Variants in BCHE observed in about 807,000 individuals in gnomAD.
BCHE encodes the protein cholinesterase.
In BCHE, 48 loss-of-function variants were observed where a neutral mutation model predicts 51.3. That is an observed-to-expected ratio of 0.94 (90% confidence interval 0.74 to 1.19). The LOEUF is 1.19. Among genes scored for constraint, BCHE ranks in the 50% most tolerant of loss-of-function variants. The probability of loss-of-function intolerance (pLI) is 0.00; values close to 1 mark genes in which losing one functional copy is unlikely to be tolerated. For synonymous variants in BCHE, 251 were observed against 238.0 expected, an observed-to-expected ratio of 1.05 and a Z score of -0.50; for missense variants, 847 against 708.2, an observed-to-expected ratio of 1.20 and a Z score of -2.23.
At chr3:165,781,163 A>G (rs931681711) in intron 3 of BCHE, among the ~76,000 whole-genome samples, 1 of 152,230 alleles carries the variant, frequency 6.6e-6, no homozygotes, top group Admixed American at 6.6e-5. Flanking sequence ...AGGCAGGAAC[A>G]TCGCTTGAAC....
chr3:165,830,394 C>A lies in BCHE; in HGVS notation c.640G>T (p.Gly214Cys), dbSNP rs771895178. ...QWVQKNIAAF[G>C]GNPKSVTLFG... Reference sequence around the variant, plus strand: ...AGAGTTACACTTTTAGGATTTCCACCAAAGGCTGCTATATTTTTTTGAACC... The same window carrying A: ...AGAGTTACACTTTTAGGATTTCCACAAAAGGCTGCTATATTTTTTTGAACC... The change falls in exon 2 of 4, where the codon GGT becomes TGT. Residue 214 changes from glycine (G) to cysteine (C), a missense_variant. Transcript: ENST00000264381. The A allele has an allele frequency of 6.2e-7, 1 of 1,613,810 alleles. No homozygotes were observed. Among genetic ancestry groups the A allele is most frequent in the Non-Finnish European group, 8.5e-7 (1 of 1,179,916 alleles).
At chr3:165,808,775 A>G (rs1560014267) in intron 2 of BCHE, among the ~76,000 whole-genome samples, 1 of 152,108 alleles carries the variant, frequency 6.6e-6, no homozygotes, top group Non-Finnish European at 1.5e-5. Context: ...TTTTCAAAAA[A>G]AAGGCTGTGA....
chr3:165,829,299 TA>T (rs1387920765), intron 2 of BCHE, among the ~76,000 whole-genome samples: 3 of 152,160 alleles, frequency 2.0e-5, no homozygotes, highest in Non-Finnish European at 2.9e-5. Flanking sequence ...AATCAGAAGA[TA>T]TTTTTTATAA....
intron 2 of BCHE, among the ~76,000 whole-genome samples, chr3:165,819,234 A>G (rs961469588): frequency 7.1e-6 from 1 of 140,688 alleles, no homozygotes; most frequent in Non-Finnish European, 1.5e-5. Flanking sequence ...GTGCACCACC[A>G]CACCCAGCTA....
At chr3:165,809,621 G>A (rs978950616) in intron 2 of BCHE, among the ~76,000 whole-genome samples, 4 of 151,468 alleles carry the variant, frequency 2.6e-5, no homozygotes, top group Admixed American at 2.6e-4. Context: ...TAAGGCAAAT[G>A]TATTAAGGCA....
chr3:165,819,928 T>TA (rs1253063521), intron 2 of BCHE, among the ~76,000 whole-genome samples: 34 of 152,244 alleles, frequency 2.2e-4, no homozygotes, highest in Non-Finnish European at 7.4e-5. Flanking sequence ...CTTTGATTTC[T>TA]AAAAAAATGA....
chr3:165,781,143 C>A (rs1320839867), intron 3 of BCHE, among the ~76,000 whole-genome samples: 1 of 151,998 alleles, frequency 6.6e-6, no homozygotes, highest in Non-Finnish European at 1.5e-5. Context: ...CCCAGCTACT[C>A]AGGAGGCTGA....
intron 2 of BCHE, among the ~76,000 whole-genome samples, chr3:165,823,092 A>G (rs969800231): frequency 2.0e-5 from 3 of 152,142 alleles, no homozygotes; most frequent in African/African-American, 7.2e-5. Flanking sequence ...GAAGTAAAAT[A>G]TGTATAGGTA....
intron 3 of BCHE, among the ~76,000 whole-genome samples, chr3:165,782,333 GA>G (rs1712739825): frequency 6.6e-6 from 1 of 152,070 alleles, no homozygotes; most frequent in African/African-American, 2.4e-5. Context: ...TGGGGAGATA[GA>G]AAAGATGGGA....
intron 2 of BCHE, among the ~76,000 whole-genome samples, chr3:165,800,562 CT>C (rs1367284509): frequency 6.6e-6 from 1 of 151,984 alleles, no homozygotes; most frequent in Non-Finnish European, 1.5e-5. Flanking sequence ...TTTAATTGTA[CT>C]TGACACCAGA....
intron 2 of BCHE, among the ~76,000 whole-genome samples, chr3:165,820,909 T>C (rs1405653502): frequency 6.6e-6 from 1 of 152,028 alleles, no homozygotes; most frequent in Admixed American, 6.6e-5. Context: ...GAATTCATGG[T>C]GAAGGCAGCC....
At chr3:165,834,959 A>G (rs1715138820) in intron 1 of BCHE, among the ~76,000 whole-genome samples, 1 of 151,928 alleles carries the variant, frequency 6.6e-6, no homozygotes, top group Admixed American at 6.6e-5. Context: ...TCACAAATAC[A>G]GCTGTGTATC....
At chr3:165,810,362 A>T (rs1714047270) in intron 2 of BCHE, among the ~76,000 whole-genome samples, 1 of 152,162 alleles carries the variant, frequency 6.6e-6, no homozygotes, top group South Asian at 2.1e-4. Context: ...ATCTCAATAG[A>T]CATTACATAT....
intron 3 of BCHE, among the ~76,000 whole-genome samples, chr3:165,776,000 G>T (rs1187339454): frequency 4.0e-5 from 6 of 151,596 alleles, no homozygotes; most frequent in African/African-American, 1.5e-4. Context: ...ACAAAATCTA[G>T]TCACAAGTCA....
chr3:165,781,594 G>T (rs543154713), intron 3 of BCHE, among the ~76,000 whole-genome samples: 5 of 149,678 alleles, frequency 3.3e-5, no homozygotes, highest in African/African-American at 1.2e-4. Context: ...CCAGTCGGGG[G>T]TGGAGGGTGA....
At chr3:165,833,240 T>C (rs1715055937) in intron 1 of BCHE, among the ~76,000 whole-genome samples, 1 of 152,074 alleles carries the variant, frequency 6.6e-6, no homozygotes, top group African/African-American at 2.4e-5. Flanking sequence ...TATATATAAT[T>C]TAGGTACTAT....
intron 3 of BCHE, among the ~76,000 whole-genome samples, chr3:165,781,550 A>G (rs1404841336): frequency 6.6e-6 from 1 of 151,780 alleles, no homozygotes; most frequent in Non-Finnish European, 1.5e-5. Flanking sequence ...ATGAGAACAC[A>G]TGGACACAGG....
chr3:165,828,654 AT>A (rs535480311), intron 2 of BCHE, among the ~76,000 whole-genome samples: 1 of 151,746 alleles, frequency 6.6e-6, no homozygotes, highest in Non-Finnish European at 1.5e-5. Flanking sequence ...CTAAATTTCT[AT>A]TTTTTTTAAA....
In BCHE at chr3:165,830,155, T is replaced by C; in HGVS notation, c.879A>G (p.Arg293=). 1 of 1,613,980 alleles carries C rather than the reference T, an allele frequency of 6.2e-7. No individual in the cohort carries two copies. The highest frequency in any genetic ancestry group is 8.5e-7 in the Non-Finnish European group (1 of 1,179,926). Residue 293 remains arginine, a synonymous_variant, in exon 2 of 4, where the codon AGA becomes AGG. Transcript: ENST00000264381. The part of the protein sequence containing the change: ...ENETEIIKCL[R]NKDPQEILLN... Reference sequence around the variant, plus strand: ...GAAGAATTTCTTGGGGATCTTTATTTCTAAGACACTTGATTATTTCAGTCT... The same window carrying C: ...GAAGAATTTCTTGGGGATCTTTATTCCTAAGACACTTGATTATTTCAGTCT...
Sources: gnomAD v4.1 joint callset for allele counts (sites outside exome capture counted in the v4.1 genomes callset) on GRCh38, gnomAD v4.1.1 for gene constraint, MANE v1.5 for transcripts, NCBI Gene and HGNC (gene_info 2026-07-23, HGNC 2026-07-21) for gene names.